CNTN1: variants seen among roughly 807,000 people sequenced by gnomAD.
The protein encoded by CNTN1 is contactin 1.
Under a neutral mutation model 126.4 loss-of-function variants are expected in CNTN1, and 38 were observed. The ratio of observed to expected loss-of-function variants is 0.30; its 90% CI spans 0.23 to 0.39. The LOEUF (loss-of-function observed/expected upper bound fraction) is 0.39. Ranked by LOEUF, CNTN1 falls within the 10% of genes least tolerant of loss-of-function variation. CNTN1 has a pLI of 1.00. For missense variants in CNTN1, 1,009 were observed against 1,248.4 expected, an observed-to-expected ratio of 0.81 and a Z score of 2.89; for synonymous variants, 413 against 422.6, an observed-to-expected ratio of 0.98 and a Z score of 0.28.
intron 17 of CNTN1, among the ~76,000 whole-genome samples, chr12:40,996,549 A>AATTT (rs946505096): frequency 3.3e-5 from 5 of 152,272 alleles, no homozygotes; most frequent in Non-Finnish European, 5.9e-5. Flanking sequence ...TGCTCAATAA[A>AATTT]ATTTATTTAT....
chr12:40,956,602 CA>C (rs1386944479), intron 14 of CNTN1, among the ~76,000 whole-genome samples: 1 of 151,908 alleles, frequency 6.6e-6, no homozygotes, highest in Non-Finnish European at 1.5e-5. Flanking sequence ...CTGAAGAGAA[CA>C]AGATACATTT....
intron 23 of CNTN1, among the ~76,000 whole-genome samples, chr12:41,052,963 CAA>C: frequency 6.6e-6 from 1 of 151,376 alleles, no homozygotes. Flanking sequence ...AAAATGGACA[CAA>C]GAAGAAAAAT....
chr12:40,773,633 G>GTATATATATATA (rs371522549), intron 1 of CNTN1, among the ~76,000 whole-genome samples: 4 of 46,648 alleles, frequency 8.6e-5, no homozygotes, highest in African/African-American at 2.7e-4. Context: ...ACCAGAAACT[G>GTATATATATATA]TATATATATA....
At chr12:40,904,060 C>T (rs894424389) in intron 1 of CNTN1, among the ~76,000 whole-genome samples, 130 of 152,314 alleles carry the variant, frequency 8.5e-4, no homozygotes, top group Non-Finnish European at 1.5e-4. Flanking sequence ...GCTCTGTCGC[C>T]TAGGCTGGAG....
intron 1 of CNTN1, among the ~76,000 whole-genome samples, chr12:40,787,944 G>A (rs1940088876): frequency 6.6e-6 from 1 of 152,094 alleles, no homozygotes; most frequent in African/African-American, 2.4e-5. Flanking sequence ...AACAGAATTG[G>A]TTTGAACCCT....
chr12:40,957,378 A>G (rs1424022879), intron 14 of CNTN1, among the ~76,000 whole-genome samples: 1 of 151,640 alleles, frequency 6.6e-6, no homozygotes, highest in Non-Finnish European at 1.5e-5. Flanking sequence ...CAGTAAATTT[A>G]CGGCCAACAG....
rs916861066 is a variant in CNTN1, at chr12:40,863,129, G to T, written c.-76-45228G>T. ...GGGTTCAGGGACCTTGATATTTTAT[G>T]AATTTAAAATGATAATCTTAGAATT... is the stretch of plus-strand genomic sequence containing the variant. On this transcript the variant is annotated intron_variant, in intron 1 of 23. Transcript: ENST00000551295. Among the ~76,000 whole-genome samples, 13 of 152,110 alleles carry T rather than the reference G, an allele frequency of 8.5e-5. No homozygotes were observed. In the East Asian group the frequency reaches 2.5e-3, roughly 29 times the overall value.
intron 1 of CNTN1, among the ~76,000 whole-genome samples, chr12:40,721,031 G>T (rs1360128084): frequency 6.6e-6 from 1 of 151,326 alleles, no homozygotes; most frequent in Non-Finnish European, 1.5e-5. Context: ...TGTTTAAACT[G>T]AAATCCAGCT....
chr12:40,849,214 T>C lies in CNTN1; in HGVS notation c.-76-59143T>C, dbSNP rs532788311. On this transcript the variant is annotated intron_variant, in intron 1 of 23. Coordinates refer to ENST00000551295, the MANE Select transcript of CNTN1 (RefSeq NM_001843.4). Reference sequence around the variant, plus strand: ...CTGCTCATGAAGTACAAGTGAAATATTCCCTGAACTGCTTATAATCTTTAC... The same window carrying C: ...CTGCTCATGAAGTACAAGTGAAATACTCCCTGAACTGCTTATAATCTTTAC... Among the ~76,000 whole-genome samples the C allele has an allele frequency of 5.9e-5, 9 of 152,246 alleles. No homozygotes were observed. In the South Asian group the frequency reaches 1.7e-3, roughly 28 times the overall value.
intron 1 of CNTN1, among the ~76,000 whole-genome samples, chr12:40,820,555 G>A (rs936751185): frequency 1.3e-5 from 2 of 152,154 alleles, no homozygotes; most frequent in African/African-American, 4.8e-5. Flanking sequence ...CCAGTGGTCT[G>A]GAACATGGGT....
At chr12:40,885,825 T>C (rs549344479) in intron 1 of CNTN1, among the ~76,000 whole-genome samples, 1 of 152,172 alleles carries the variant, frequency 6.6e-6, no homozygotes, top group South Asian at 2.1e-4. Context: ...TATTGAGTCT[T>C]GTTATCAGGA....
At chr12:40,828,244 A>T (rs1941683234) in intron 1 of CNTN1, 1 of 152,186 alleles carries the variant, frequency 6.6e-6, no homozygotes, top group Non-Finnish European at 1.5e-5. Context: ...GTATTTATTC[A>T]AATGGACAAT....
At chr12:40,909,720 T>C (rs987220566) in intron 2 of CNTN1, among the ~76,000 whole-genome samples, 2 of 151,518 alleles carry the variant, frequency 1.3e-5, no homozygotes, top group African/African-American at 4.8e-5. Context: ...CCCACATACA[T>C]AGATGTAATT....
rs187207014 is a variant in CNTN1 at position 41,068,953 on chromosome 12, T to G, written c.2981-1006T>G. Among the ~76,000 whole-genome samples the G allele has an allele frequency of 9.0e-4, 137 of 152,256 alleles. 3 individuals carry two copies. The highest frequency in any genetic ancestry group is 2.7e-3 in the African/African-American group (112 of 41,556). ...CTGCAGTCAGCTATGACTGAACCAC[T>G]GCACTCCAGCCTGAGCAATAGAACA... On this transcript the variant is annotated intron_variant, in intron 23 of 23. Transcript: ENST00000551295.
At chr12:41,064,804 C>G (rs898624139) in intron 23 of CNTN1, among the ~76,000 whole-genome samples, 2 of 115,888 alleles carry the variant, frequency 1.7e-5, no homozygotes, top group African/African-American at 7.2e-5. Flanking sequence ...TAGATAGATG[C>G]CATGAGACAT....
chr12:40,983,800 C>T (rs1947880509), intron 16 of CNTN1, among the ~76,000 whole-genome samples: 1 of 146,102 alleles, frequency 6.8e-6, no homozygotes, highest in South Asian at 2.1e-4. Context: ...TTATATATTA[C>T]TATAATACTG....
intron 1 of CNTN1, among the ~76,000 whole-genome samples, chr12:40,759,543 G>A (rs1938757378): frequency 6.7e-6 from 1 of 150,230 alleles, no homozygotes; most frequent in African/African-American, 2.5e-5. Flanking sequence ...ATGGCACACT[G>A]CATCTTCTAC....
At chr12:40,879,259 C>T (rs1210681991) in intron 1 of CNTN1, among the ~76,000 whole-genome samples, 2 of 152,090 alleles carry the variant, frequency 1.3e-5, no homozygotes, top group East Asian at 1.9e-4. Context: ...CAGCTCTTTT[C>T]GAAAACCAGT....
intron 1 of CNTN1, among the ~76,000 whole-genome samples, chr12:40,696,574 C>T (rs150116266): frequency 5.9e-5 from 9 of 152,150 alleles, no homozygotes; most frequent in African/African-American, 1.2e-4. Flanking sequence ...TACTTTAGTT[C>T]GTATCTTAAA....
Sources: allele counts gnomAD v4.1 joint callset (sites outside exome capture counted in the v4.1 genomes callset), GRCh38; gene constraint gnomAD v4.1.1; transcripts MANE v1.5; gene names NCBI Gene and HGNC (gene_info 2026-07-23, HGNC 2026-07-21).